NRDE2: variants seen among roughly 807,000 people sequenced by gnomAD.
NRDE2 encodes the protein NRDE-2, necessary for RNA interference, domain containing.
NRDE2 carries 76 observed loss-of-function variants against 124.2 expected under a neutral mutation model. The observed-to-expected ratio is 0.61, with a 90% CI of 0.51 to 0.74. The LOEUF is 0.74. Among genes scored for constraint, NRDE2 ranks in the 30% least tolerant of loss-of-function variants. NRDE2 has a pLI of 0.00. For synonymous variants in NRDE2, 489 were observed against 528.1 expected (o/e 0.93, Z 1.01); for missense variants, 1,314 against 1,417.3 (o/e 0.93, Z 1.17).
intron 4 of NRDE2, among the ~76,000 whole-genome samples, chr14:90,306,653 A>G (rs1351077983): frequency 6.6e-6 from 1 of 152,016 alleles, no homozygotes; most frequent in African/African-American, 2.4e-5. Context: ...TCTACTAACT[A>G]TACAAAATTA....
rs1891600663 is a variant in NRDE2, at chr14:90,269,345, T to C, written c.*8991A>G. 6.6e-7 allele frequency: 1 copy of C among 1,511,912 alleles called. No homozygotes were observed. The highest frequency in any genetic ancestry group is 9.0e-7 in the Non-Finnish European group (1 of 1,115,392). The allele number at this position is 1,511,912 out of a possible 1,614,324, so 93.7% of individuals were successfully genotyped here. On this transcript the variant is annotated 3_prime_UTR_variant, in exon 14 of 14. Transcript: ENST00000354366. ...ATGAGGTCTTTGCTGTAATTCCCCT[T>C]GAGCAGGCGATCAGTTGAGTCTTCA...
Position 90,304,004 on chromosome 14 carries a change from C to T in NRDE2, c.936G>A (p.Glu312=). 1 of 1,614,032 alleles carries T rather than the reference C, an allele frequency of 6.2e-7. No individual in the cohort carries two copies. The highest frequency in any genetic ancestry group is 1.1e-5 in the South Asian group (1 of 91,084). ...TCTCCCGCACCCTCCTGTTAAACTC[C>T]TCCACCTTGGCCTTGAGAGCCGCAC... ...SESAALKAKV[E]EFNRRVRENP... The change falls in exon 5 of 14, where the codon GAG becomes GAA. Residue 312 remains glutamate, a synonymous_variant. Transcript: ENST00000354366.
In NRDE2 at chr14:90,312,530, C is replaced by T. The variant is rs955737230; in HGVS notation, c.421G>A (p.Ala141Thr). The T allele has an allele frequency of 6.2e-6, 10 of 1,614,090 alleles. No homozygotes were observed. Among genetic ancestry groups the T allele is most frequent in the Admixed American group, 1.7e-5 (1 of 60,022 alleles). Reference protein sequence around the residue: ...ESEEPNQGNNAAADTGHRFVW... With the variant: ...ESEEPNQGNNTAADTGHRFVW... ...AAGCGATGTCCAGTATCAGCTGCAG[C>T]ATTATTTCCTTGACTGTGGGACAAA... Residue 141 changes from alanine to threonine, a missense_variant, in exon 4 of 14, where the codon GCT (alanine) becomes ACT (threonine). Ala to Thr is a moderately conservative substitution (Grantham distance 58). Coordinates refer to ENST00000354366, the MANE Select transcript of NRDE2 (RefSeq NM_017970.4).
intron 4 of NRDE2, among the ~76,000 whole-genome samples, chr14:90,306,432 T>G (rs1884603546): frequency 1.3e-5 from 2 of 152,236 alleles, no homozygotes; most frequent in Admixed American, 1.3e-4. Context: ...TCCCTCCCAA[T>G]TCTTTCAGAC....
At chr14:90,300,697 A>G (rs372942391) in intron 7 of NRDE2, among the ~76,000 whole-genome samples, 2 of 149,664 alleles carry the variant, frequency 1.3e-5, no homozygotes, top group East Asian at 2.0e-4. Context: ...TTGCAACTCT[A>G]GCGAAGATTG....
At chr14:90,300,835 C>T (rs1213546073) in intron 7 of NRDE2, among the ~76,000 whole-genome samples, 2 of 512 alleles carry the variant, frequency 3.9e-3, no homozygotes, top group East Asian at 0.1. Context: ...AGCCAATCAG[C>T]ATTTAAACAA....
At position 90,272,231 on chromosome 14, in the gene NRDE2, A is replaced by T; in HGVS notation, c.*6105T>A. On this transcript the variant is annotated 3_prime_UTR_variant, in exon 14 of 14. Transcript: ENST00000354366. The surrounding 1 kb of genome is among the most constrained non-coding windows in gnomAD (Gnocchi z 4.5). ...TTTTGGAATTCCTTGTTAGAATAAA[A>T]ATGAGTATGTCACTTTCTGAACACA... The T allele has an allele frequency of 6.3e-7, 1 of 1,594,278 alleles. No individual in the cohort carries two copies. The highest frequency in any genetic ancestry group is 8.5e-7 in the Non-Finnish European group (1 of 1,174,732).
rs1885710348 is a variant in NRDE2, at chr14:90,331,758, C to A, written c.64+83G>T. The stretch of plus-strand genomic sequence containing the variant: ...CTGGGATACAAATGGATACACAAAT[C>A]CAAAGCAAAAGTCTAGACCTGGGCC... On this transcript the variant is annotated intron_variant, in intron 1 of 13. Coordinates refer to ENST00000354366, the MANE Select transcript of NRDE2 (RefSeq NM_017970.4). 3 of 1,459,128 alleles carry A rather than the reference C, an allele frequency of 2.1e-6. No individual in the cohort carries two copies. The Admixed American group carries it at 5.1e-5, about 25-fold the overall frequency. The allele number at this position is 1,459,128 out of a possible 1,614,324, so 90.4% of individuals were successfully genotyped here.
chr14:90,329,223 C>G (rs2139721885), intron 1 of NRDE2, among the ~76,000 whole-genome samples: 1 of 152,302 alleles, frequency 6.6e-6, no homozygotes, highest in South Asian at 2.1e-4. Flanking sequence ...TATTAAAGAT[C>G]ACTATCCTCC....
intron 6 of NRDE2, chr14:90,301,710 G>A (rs967962646): frequency 5.9e-5 from 27 of 455,476 alleles, no homozygotes; most frequent in Admixed American, 2.2e-4. Context: ...AAAGGATGGC[G>A]TAGCAGATTT....
At chr14:90,302,190 C>A (rs557971798) in intron 6 of NRDE2, among the ~76,000 whole-genome samples, 1 of 152,114 alleles carries the variant, frequency 6.6e-6, no homozygotes, top group East Asian at 1.9e-4. Context: ...GAAGGGCAAA[C>A]CCTTCAGGAT....
chr14:90,270,543 A>G lies in NRDE2; in HGVS notation c.*7793T>C. 3.3e-6 allele frequency: 2 copies of G among 599,634 alleles called. No homozygotes were observed. The highest frequency in any genetic ancestry group is 5.3e-6 in the Non-Finnish European group (2 of 374,104). 37.1% of individuals were successfully genotyped at this position (599,634 alleles called of 1,614,324 possible). A position where few individuals can be genotyped will look rare whatever the true frequency, so the allele number is the denominator to read the frequency against. ...GAAGTCATTCTTAATGCATCATTTTATGCAGTGAATGACGCTAAATCACCT... is the reference window on the plus strand; with the variant it reads ...GAAGTCATTCTTAATGCATCATTTTGTGCAGTGAATGACGCTAAATCACCT... On this transcript the variant is annotated 3_prime_UTR_variant, in exon 14 of 14. Transcript: ENST00000354366.
intron 7 of NRDE2, among the ~76,000 whole-genome samples, 164 bp downstream of exon 7, chr14:90,301,075 A>C (rs1884381389): frequency 6.6e-6 from 1 of 151,638 alleles, no homozygotes. Context: ...ACTATTTCTG[A>C]GAATTCCTCC....
At chr14:90,298,749 G>T (rs866396703) in intron 7 of NRDE2, among the ~76,000 whole-genome samples, 3 of 152,256 alleles carry the variant, frequency 2.0e-5, no homozygotes, top group South Asian at 4.1e-4. Flanking sequence ...GGGTAGGAAG[G>T]GAGTAGTTTC....
At chr14:90,308,896 G>T (rs147016360) in intron 4 of NRDE2, among the ~76,000 whole-genome samples, 1 of 152,232 alleles carries the variant, frequency 6.6e-6, no homozygotes, top group Non-Finnish European at 1.5e-5. Context: ...AAACCAAGGA[G>T]CACGGACCAA....
intron 1 of NRDE2, among the ~76,000 whole-genome samples, chr14:90,331,354 C>T (rs1423454025): frequency 6.6e-6 from 1 of 152,156 alleles, no homozygotes; most frequent in Non-Finnish European, 1.5e-5. Context: ...GTGCTGTGCC[C>T]CTCCAGAGAG....
At position 90,276,494 on chromosome 14, in the gene NRDE2, C is replaced by A. The variant is rs1891808331; in HGVS notation, c.*1842G>T. The stretch of plus-strand genomic sequence containing the variant: ...TCGGCCTCCCAAAGTGCTGGGATTA[C>A]AGACGTGAGCCACCGCGCCTGGCCT... On this transcript the variant is annotated 3_prime_UTR_variant, in exon 14 of 14. Coordinates refer to ENST00000354366, the MANE Select transcript of NRDE2 (RefSeq NM_017970.4). 1 of 152,230 alleles carries A rather than the reference C, an allele frequency of 6.6e-6. No individual in the cohort carries two copies. The highest frequency in any genetic ancestry group is 2.1e-4 in the South Asian group (1 of 4,834). The allele number at this position is 152,230 out of a possible 1,614,324, so 9.4% of individuals were successfully genotyped here. A position where few individuals can be genotyped will look rare whatever the true frequency, so the allele number is the denominator to read the frequency against.
intron 1 of NRDE2, among the ~76,000 whole-genome samples, chr14:90,330,947 T>A (rs749710935): frequency 6.6e-6 from 1 of 152,018 alleles, no homozygotes; most frequent in Non-Finnish European, 1.5e-5. Flanking sequence ...CTTTTTTTTT[T>A]AGAGACAAGG....
At chr14:90,321,549 T>TAAAAAAAAAAAAAAAAAA (rs1012195271) in intron 1 of NRDE2, among the ~76,000 whole-genome samples, 1 of 108,810 alleles carries the variant, frequency 9.2e-6, no homozygotes, top group Non-Finnish European at 1.9e-5. Context: ...CCAGCTCTAT[T>TAAAAAAAAAAAAAAAAAA]AAAAAAAAAA....
Sources: gnomAD v4.1 joint callset for allele counts (sites outside exome capture counted in the v4.1 genomes callset) on GRCh38, gnomAD v4.1.1 for gene constraint, Gnocchi (gnomAD v3.1) non-coding constraint, MANE v1.5 for transcripts, NCBI Gene and HGNC (gene_info 2026-07-23, HGNC 2026-07-21) for gene names.